The following PSMC3 variants were observed in gnomAD, a reference collection of about 807,000 sequenced individuals.
PSMC3 encodes the protein proteasome 26S subunit, ATPase 3.
A neutral mutation model predicts 52.0 loss-of-function variants in PSMC3; 11 were observed. The observed-to-expected ratio is 0.21, with a 90% CI of 0.13 to 0.35. The LOEUF is 0.35. Ranked by LOEUF, PSMC3 falls within the 10% of genes least tolerant of loss-of-function variation. The probability of loss-of-function intolerance (pLI) is 1.00; values close to 1 mark genes in which losing one functional copy is unlikely to be tolerated. For synonymous variants in PSMC3, 201 were observed against 218.8 expected (o/e 0.92, Z 0.72); for missense variants, 238 against 567.1 (o/e 0.42, Z 5.89).
At chr11:47,426,081 A>G (rs2096046073) in intron 1 of PSMC3, 124 bp downstream of exon 1, 1 of 1,412,034 alleles carries the variant, frequency 7.1e-7, no homozygotes, top group Non-Finnish European at 9.8e-7. Context: ...CCCTGCCCAC[A>G]TCCCAAACAA....
intron 2 of PSMC3, 35 bp from the exon 3 acceptor site, chr11:47,425,281 C>T (rs755312560): frequency 1.1e-5 from 17 of 1,612,942 alleles, no homozygotes; most frequent in Non-Finnish European, 1.4e-5. Flanking sequence ...CAAATATAAA[C>T]CCTGGCACAG....
chr11:47,425,836 T>A, intron 2 of PSMC3, 31 bp downstream of exon 2: 1 of 1,593,076 alleles, frequency 6.3e-7, no homozygotes, highest in Non-Finnish European at 8.6e-7. Context: ...CTGTGGGGGC[T>A]CCATCGCCCG....
At chr11:47,426,060 G>A in intron 1 of PSMC3, 110 bp from the exon 2 acceptor site, 2 of 1,403,352 alleles carry the variant, frequency 1.4e-6, no homozygotes, top group African/African-American at 2.9e-5. Context: ...AAACCAGGAT[G>A]GAGTCAGGAC....
chr11:47,425,605 T>G, intron 2 of PSMC3: 1 of 542,196 alleles, frequency 1.8e-6, no homozygotes, highest in Non-Finnish European at 3.3e-6. Context: ...AAAAGAAGGA[T>G]TCTTGAGAGG....
At chr11:47,419,735 T>C (rs1377247686) in intron 10 of PSMC3, among the ~76,000 whole-genome samples, 1 of 151,962 alleles carries the variant, frequency 6.6e-6, no homozygotes, top group African/African-American at 2.4e-5. Context: ...GGCGGGCGCC[T>C]GTAGTCCCAG....
chr11:47,422,332 G>A lies in PSMC3; in HGVS notation c.884+242C>T, dbSNP rs2096041575. Among the ~76,000 whole-genome samples, 1 of 152,172 alleles carries A rather than the reference G, an allele frequency of 6.6e-6. No individual in the cohort carries two copies. Among genetic ancestry groups the A allele is most frequent in the Admixed American group, 6.6e-5 (1 of 15,266 alleles). On this transcript the variant is annotated intron_variant, in intron 8 of 11. Transcript: ENST00000298852. The surrounding 1 kb of genome is among the most constrained non-coding windows in gnomAD (Gnocchi z 4.3). ...GCTGGGATTACAGGCGTGAGCCACC[G>A]TGCCCGGCCCAGATTCCTGTTTTGA...
chr11:47,425,003 T>C (rs1158572136), intron 3 of PSMC3, 118 bp downstream of exon 3: 2 of 1,445,284 alleles, frequency 1.4e-6, no homozygotes, highest in African/African-American at 1.4e-5. Flanking sequence ...CCAGGAGGTG[T>C]AGCTCTGACA....
Position 47,424,736 on chromosome 11 carries a change from C to T in PSMC3, c.286-25G>A, listed in dbSNP as rs1348181688. 1.9e-6 allele frequency: 3 copies of T among 1,561,788 alleles called. No individual in the cohort carries two copies. The highest frequency in any genetic ancestry group is 2.6e-6 in the Non-Finnish European group (3 of 1,132,390). On this transcript the variant is annotated intron_variant, in intron 3 of 11. Coordinates refer to ENST00000298852, the MANE Select transcript of PSMC3 (RefSeq NM_002804.5). This position sits in a 1 kb window ranked among gnomAD's most constrained non-coding sequence, Gnocchi z 4.8. ...GCTGGGAAGGAAAAAATACTCAGCTCCTTGAACTCCCCAAGGCCCAGTGCT... is the reference window on the plus strand; with the variant it reads ...GCTGGGAAGGAAAAAATACTCAGCTTCTTGAACTCCCCAAGGCCCAGTGCT...
chr11:47,418,854 T>C lies in PSMC3; in HGVS notation c.1301A>G (p.Asn434Ser), dbSNP rs1291484322. The C allele has an allele frequency of 1.2e-6, 2 of 1,614,010 alleles. No homozygotes were observed. The highest frequency in any genetic ancestry group is 1.7e-6 in the Non-Finnish European group (2 of 1,179,988). Residue 434 changes from asparagine (N) to serine (S), a missense_variant, in exon 12 of 12, where the codon AAC becomes AGC. Transcript: ENST00000298852. ...ILEVQAKKKANLQYYA is the reference protein window; with the variant it reads ...ILEVQAKKKASLQYYA ...TGTGCCCTAGGCGTAGTATTGTAGG[T>C]TGGCTTTCTTCTTGGCCTGCACCTC... is the stretch of plus-strand genomic sequence containing the variant.
At position 47,422,982 on chromosome 11, in the gene PSMC3, A is replaced by G; in HGVS notation, c.592-9T>C. The G allele has an allele frequency of 6.2e-7, 1 of 1,603,968 alleles. No individual in the cohort carries two copies. The highest frequency in any genetic ancestry group is 8.5e-7 in the Non-Finnish European group (1 of 1,174,922). ...ACAATGGCCTCCACCAGCTGCCAGG[A>G]GGAAGTCCTGGGTGAGGAGATGAAG... On this transcript the variant is annotated splice_polypyrimidine_tract_variant and intron_variant, in intron 6 of 11. Transcript: ENST00000298852. The surrounding 1 kb of genome is among the most constrained non-coding windows in gnomAD (Gnocchi z 4.3).
chr11:47,422,905 T>A lies in PSMC3; in HGVS notation c.660A>T (p.Pro220=). ...EKFENLGIQP[P]KGVLMYGPPG... is the part of the protein sequence containing the mutation. ...GGGGCCCATACATCAGCACCCCTTTTGGAGGTTGGATCCCCAAGTTCTCAA... is the reference window on the plus strand; with the variant it reads ...GGGGCCCATACATCAGCACCCCTTTAGGAGGTTGGATCCCCAAGTTCTCAA... Residue 220 remains proline, a synonymous_variant, in exon 7 of 12, where the codon CCA becomes CCT. Coordinates refer to ENST00000298852, the MANE Select transcript of PSMC3 (RefSeq NM_002804.5). The surrounding 1 kb of genome is among the most constrained non-coding windows in gnomAD (Gnocchi z 4.3). The A allele has an allele frequency of 6.2e-7, 1 of 1,613,994 alleles. No individual in the cohort carries two copies. The highest frequency in any genetic ancestry group is 8.5e-7 in the Non-Finnish European group (1 of 1,179,938).
chr11:47,423,960 G>A (rs2096043654), intron 6 of PSMC3, 86 bp downstream of exon 6: 1 of 1,578,226 alleles, frequency 6.3e-7, no homozygotes, highest in Non-Finnish European at 8.7e-7. Flanking sequence ...GAGGATGAAA[G>A]ACACATTAGG....
At chr11:47,419,669 C>T (rs902102191) in intron 10 of PSMC3, among the ~76,000 whole-genome samples, 17 of 152,112 alleles carry the variant, frequency 1.1e-4, no homozygotes, top group African/African-American at 4.1e-4. Context: ...ACCATTCTGG[C>T]TAACAAGGTG....
At position 47,422,851 on chromosome 11, in the gene PSMC3, C is replaced by T. The variant is rs889626078; in HGVS notation, c.714G>A (p.Arg238=). The T allele has an allele frequency of 1.2e-6, 2 of 1,612,190 alleles. No individual in the cohort carries two copies. The highest frequency in any genetic ancestry group is 2.2e-5 in the South Asian group (2 of 90,844). ...TCACCTTAGTCTGTGCGGCACAGGC[C>T]CGGGCCAGGAGGGTCTTCCCCGTCC... ...PPGTGKTLLA[R]ACAAQTKATF... Residue 238 remains arginine, a synonymous_variant, in exon 7 of 12, where the codon CGG becomes CGA. Transcript: ENST00000298852. This position sits in a 1 kb window ranked among gnomAD's most constrained non-coding sequence, Gnocchi z 4.3.
chr11:47,420,561 G>A, intron 9 of PSMC3, 70 bp downstream of exon 9: 1 of 1,506,082 alleles, frequency 6.6e-7, no homozygotes, highest in Non-Finnish European at 9.1e-7. Context: ...TCCACCACTG[G>A]CTAGCTGGGG....
rs1002799121 is a variant in PSMC3, at chr11:47,424,264, G to A, written c.454-81C>T. 6.3e-7 allele frequency: 1 copy of A among 1,593,146 alleles called. No individual in the cohort carries two copies. Among genetic ancestry groups the A allele is most frequent in the Admixed American group, 1.7e-5 (1 of 59,948 alleles). ...GACTGGGTGACAGGTGTCTGCAGAG[G>A]GAAAGACACAGGACTGGGCAATACA... On this transcript the variant is annotated intron_variant, in intron 5 of 11. Transcript: ENST00000298852. The surrounding 1 kb of genome is among the most constrained non-coding windows in gnomAD (Gnocchi z 4.8).
intron 10 of PSMC3, 34 bp downstream of exon 10, chr11:47,420,229 TC>T (rs1316727240): frequency 6.2e-6 from 10 of 1,609,790 alleles, no homozygotes; most frequent in Non-Finnish European, 7.6e-6. Context: ...CTGCGCCTGT[TC>T]AGGTCTCTGT....
intron 2 of PSMC3, 128 bp downstream of exon 2, chr11:47,425,739 A>C (rs2096045613): frequency 1.3e-6 from 1 of 765,488 alleles, no homozygotes; most frequent in Non-Finnish European, 2.2e-6. Context: ...TCTCTTCCTG[A>C]TATGAGGGGG....
Position 47,419,268 on chromosome 11 carries a change from CT to C in PSMC3, c.1128-72del, listed in dbSNP as rs547425736. ...GGGCAGAGGGGCCAAATATCCTCCC[CT>C]GGCCCCGTCAAGCAACAAAGTCAAG... On this transcript the variant is annotated intron_variant, in intron 10 of 11. Coordinates refer to ENST00000298852, the MANE Select transcript of PSMC3 (RefSeq NM_002804.5). 7.8e-5 allele frequency: 119 copies of C among 1,517,840 alleles called. 1 individual carries two copies. The South Asian group carries it at 1.2e-3, about 15-fold the overall frequency. 94.0% of individuals were successfully genotyped at this position (1,517,840 alleles called of 1,614,324 possible).
Sources: allele counts gnomAD v4.1 joint callset (sites outside exome capture counted in the v4.1 genomes callset), GRCh38; gene constraint gnomAD v4.1.1; non-coding constraint Gnocchi (gnomAD v3.1); transcripts MANE v1.5; gene names NCBI Gene and HGNC (gene_info 2026-07-23, HGNC 2026-07-21).